The following CLPTM1L variants were observed in gnomAD, a reference collection of about 807,000 sequenced individuals.
CLPTM1L encodes CLPTM1 like, also known as lipid scramblase CLPTM1L.
Under a neutral mutation model 70.9 loss-of-function variants are expected in CLPTM1L, and 38 were observed. The ratio of observed to expected loss-of-function variants is 0.54; its 90% CI spans 0.41 to 0.70. The LOEUF (loss-of-function observed/expected upper bound fraction) is 0.70. Ranked by LOEUF, CLPTM1L falls within the 30% of genes least tolerant of loss-of-function variation. The pLI is 0.00. For missense variants in CLPTM1L, 652 were observed against 705.9 expected (o/e 0.92, Z 0.87); for synonymous variants, 339 against 299.9 (o/e 1.13, Z -1.35).
At chr5:1,334,409 T>C (rs922445459) in intron 6 of CLPTM1L, 26 bp from the exon 7 acceptor site, 25 of 1,452,490 alleles carry the variant, frequency 1.7e-5, no homozygotes, top group Non-Finnish European at 2.4e-5. Flanking sequence ...AAACATACAA[T>C]ATAAAACAGG....
chr5:1,323,571 G>A (rs2126723112), intron 12 of CLPTM1L, among the ~76,000 whole-genome samples: 1 of 152,310 alleles, frequency 6.6e-6, no homozygotes, highest in Middle Eastern at 3.4e-3. Context: ...ATGAAGCCTG[G>A]TGGCTGGAGT....
In CLPTM1L at chr5:1,323,822, A is replaced by AC. The variant is rs1752336244; in HGVS notation, c.1244dup (p.Ala416CysfsTer11). ...TGATATTCAGGAGTGAATAGACAGC[A>AC]CCCCCGACACAGAGAGGGTACAGCA... On this transcript the variant is annotated frameshift_variant, in exon 12 of 17. Transcript: ENST00000320895. LOFTEE classifies it high-confidence loss of function. 2 of 1,613,556 alleles carry AC rather than the reference A, an allele frequency of 1.2e-6. No individual in the cohort carries two copies. The highest frequency in any genetic ancestry group is 1.7e-6 in the Non-Finnish European group (2 of 1,179,916).
At chr5:1,329,982 C>A (rs1752975811) in intron 9 of CLPTM1L, among the ~76,000 whole-genome samples, 1 of 149,986 alleles carries the variant, frequency 6.7e-6, no homozygotes, top group Non-Finnish European at 1.5e-5. Flanking sequence ...CTCACCACTG[C>A]TTGGTGGACA....
intron 16 of CLPTM1L, 76 bp downstream of exon 16, chr5:1,320,540 G>C: frequency 1.3e-6 from 1 of 768,770 alleles, no homozygotes; most frequent in Non-Finnish European, 2.0e-6. Context: ...AGGGTGCGGT[G>C]AAAGCCGTCA....
chr5:1,328,936 G>A (rs867535357), intron 9 of CLPTM1L, among the ~76,000 whole-genome samples: 186 of 103,542 alleles, frequency 1.8e-3, no homozygotes, highest in African/African-American at 2.5e-3. Context: ...TCCTCTACAG[G>A]GACATTCCAT....
Position 1,325,657 on chromosome 5 carries a change from C to T in CLPTM1L, c.1146+94G>A, listed in dbSNP as rs569461240. 1.6e-5 allele frequency: 16 copies of T among 1,010,816 alleles called. No homozygotes were observed. In the African/African-American group the frequency reaches 1.9e-4, roughly 12 times the overall value. The allele number at this position is 1,010,816 out of a possible 1,614,324, so 62.6% of individuals were successfully genotyped here. A position where few individuals can be genotyped will look rare whatever the true frequency, so the allele number is the denominator to read the frequency against. ...CTCCCCTGACAGAGGCCCGCAGTGA[C>T]TCATCTGCAGATGGCCATCTTACTC... On this transcript the variant is annotated intron_variant, in intron 10 of 16. Coordinates refer to ENST00000320895, the MANE Select transcript of CLPTM1L (RefSeq NM_030782.5).
At chr5:1,344,286 C>T (rs1754132340) in intron 2 of CLPTM1L, 65 bp downstream of exon 2, 1 of 1,131,456 alleles carries the variant, frequency 8.8e-7, no homozygotes, top group Admixed American at 1.8e-5. Context: ...AGAAAGCTAA[C>T]TTTTAAACAA....
chr5:1,342,073 C>T lies in CLPTM1L; in HGVS notation c.264-213G>A, dbSNP rs182216101. Among the ~76,000 whole-genome samples, 1,347 of 151,210 alleles carry T rather than the reference C, an allele frequency of 8.9e-3. 12 individuals carry two copies. Among genetic ancestry groups the T allele is most frequent in the Non-Finnish European group, 0.014 (929 of 67,942 alleles). Reference sequence around the variant, plus strand: ...ACGCGTGCGCGTCCTGAGAACTCGGCACAGGTGTGGGCGCCTACAGCCGAA... The same window carrying T: ...ACGCGTGCGCGTCCTGAGAACTCGGTACAGGTGTGGGCGCCTACAGCCGAA... On this transcript the variant is annotated intron_variant, in intron 2 of 16. Coordinates refer to ENST00000320895, the MANE Select transcript of CLPTM1L (RefSeq NM_030782.5). The surrounding 1 kb of genome is among the most constrained non-coding windows in gnomAD (Gnocchi z 4.3).
chr5:1,333,730 C>G lies in CLPTM1L; in HGVS notation c.891+559G>C, dbSNP rs56165686. Among the ~76,000 whole-genome samples the G allele has an allele frequency of 3.0e-3, 197 of 65,204 alleles. 2 individuals are homozygous for G. Among genetic ancestry groups the G allele is most frequent in the Middle Eastern group, 0.013 (1 of 76 alleles). The allele number at this position is 65,204 out of a possible 152,430, so 42.8% of individuals were successfully genotyped here. On this transcript the variant is annotated intron_variant, in intron 7 of 16. Coordinates refer to ENST00000320895, the MANE Select transcript of CLPTM1L (RefSeq NM_030782.5). ...TAAGGGGGGACTACTGTATACACAC[C>G]GGATGAGGATAAGGGGGGACTACTG...
chr5:1,342,009 CGT>C lies in CLPTM1L; in HGVS notation c.264-151_264-150del, dbSNP rs71598674. 0.06 allele frequency: 28,642 copies of C among 478,108 alleles called. 50 individuals are homozygous for C. The highest frequency in any genetic ancestry group is 0.096 in the East Asian group (2,704 of 28,210). 29.6% of individuals were successfully genotyped at this position (478,108 alleles called of 1,614,324 possible). Reference sequence around the variant, plus strand: ...CCCACCTGCCCAGGGCTTTACGAGTCGTGTGTGTGTGTGTGTGTGTGTGTGTG... The same window carrying C: ...CCCACCTGCCCAGGGCTTTACGAGTCGTGTGTGTGTGTGTGTGTGTGTGTG... On this transcript the variant is annotated intron_variant, in intron 2 of 16. Transcript: ENST00000320895. The surrounding 1 kb of genome is among the most constrained non-coding windows in gnomAD (Gnocchi z 4.3).
At chr5:1,325,730 G>C in intron 10 of CLPTM1L, 21 bp downstream of exon 10, 1 of 1,605,538 alleles carries the variant, frequency 6.2e-7, no homozygotes, top group South Asian at 1.1e-5. Flanking sequence ...TTGGGGTTCA[G>C]CCATTACAAC....
Position 1,318,382 on chromosome 5 carries a change from G to C in CLPTM1L, c.1604C>G (p.Pro535Arg). 1 of 1,613,554 alleles carries C rather than the reference G, an allele frequency of 6.2e-7. No individual in the cohort carries two copies. The highest frequency in any genetic ancestry group is 8.5e-7 in the Non-Finnish European group (1 of 1,179,890). ...CCCGGGCGGCCTTCAGTCCGTGTGG[G>C]GCGCCCGCGTGGCCTTCTCCTCGTA... ...ESYEEKATRA[P>R]HTD The change falls in exon 17 of 17, where the codon CCC (proline) becomes CGC (arginine). Residue 535 changes from proline (P) to arginine (R), a missense_variant. Physicochemically the swap from Pro to Arg is moderately radical, Grantham distance 103. Transcript: ENST00000320895. This position sits in a 1 kb window ranked among gnomAD's most constrained non-coding sequence, Gnocchi z 8.9.
chr5:1,332,912 T>C (rs1004720022), intron 7 of CLPTM1L, among the ~76,000 whole-genome samples: 4 of 152,126 alleles, frequency 2.6e-5, no homozygotes, highest in African/African-American at 7.2e-5. Context: ...GACTACTGTA[T>C]AACACCAGAT....
intron 9 of CLPTM1L, among the ~76,000 whole-genome samples, chr5:1,328,936 G>GCTCCTCCTCTACA (rs1752869141): frequency 9.6e-6 from 1 of 104,028 alleles, no homozygotes; most frequent in Admixed American, 9.0e-5. Flanking sequence ...TCCTCTACAG[G>GCTCCTCCTCTACA]GACATTCCAT....
chr5:1,323,668 G>T, intron 12 of CLPTM1L, 119 bp downstream of exon 12: 1 of 742,866 alleles, frequency 1.3e-6, no homozygotes, highest in Non-Finnish European at 2.3e-6. Flanking sequence ...CCTCCCAGGC[G>T]CTGGCCCAAG....
intron 9 of CLPTM1L, 188 bp from the exon 10 acceptor site, chr5:1,326,004 G>A (rs144306054): frequency 1.0e-5 from 6 of 581,410 alleles, no homozygotes; most frequent in East Asian, 2.8e-5. Flanking sequence ...ACCCACACAC[G>A]GCAGGCGTAC....
rs1754172347 is a variant in CLPTM1L at position 1,344,779 on chromosome 5, C to T, written c.63G>A (p.Val21=). ...LVVGVFVVYV[V]HTCWVMYGIV... is the part of the protein sequence containing the mutation. ...TGCCGTACATGACCCAGCAGGTGTG[C>T]ACCACGTAGACCACGAACACGCCCA... Residue 21 remains valine (V), a synonymous_variant, in exon 1 of 17, where the codon GTG becomes GTA. Transcript: ENST00000320895. The T allele has an allele frequency of 6.2e-7, 1 of 1,605,972 alleles. No individual in the cohort carries two copies. Among genetic ancestry groups the T allele is most frequent in the African/African-American group, 1.3e-5 (1 of 74,674 alleles).
In CLPTM1L at chr5:1,325,030, T is replaced by C. The variant is rs1030665324; in HGVS notation, c.1147-217A>G. The C allele has an allele frequency of 2.5e-5, 15 of 599,674 alleles. No homozygotes were observed. In the African/African-American group the frequency reaches 2.8e-4, roughly 11 times the overall value. 37.1% of individuals were successfully genotyped at this position (599,674 alleles called of 1,614,324 possible). Reference sequence around the variant, plus strand: ...CTGGCCCTGGGTCCCACAAGCCTGATGGGGGCAACGCGGCCTCACTGCTGT... The same window carrying C: ...CTGGCCCTGGGTCCCACAAGCCTGACGGGGGCAACGCGGCCTCACTGCTGT... On this transcript the variant is annotated intron_variant, in intron 10 of 16. Transcript: ENST00000320895.
intron 3 of CLPTM1L, 139 bp from the exon 4 acceptor site, chr5:1,339,144 A>G: frequency 1.0e-6 from 1 of 968,862 alleles, no homozygotes; most frequent in Admixed American, 2.6e-5. Flanking sequence ...CAGCCCCCTA[A>G]CCTGTGAAGA....
Sources: allele counts gnomAD v4.1 joint callset (sites outside exome capture counted in the v4.1 genomes callset), GRCh38; gene constraint gnomAD v4.1.1; non-coding constraint Gnocchi (gnomAD v3.1); transcripts MANE v1.5; gene names NCBI Gene and HGNC (gene_info 2026-07-23, HGNC 2026-07-21).